RFC2: variants seen among roughly 807,000 people sequenced by gnomAD.
RFC2 encodes replication factor C subunit 2.
Under a neutral mutation model 44.8 loss-of-function variants are expected in RFC2, and 34 were observed. That is an observed-to-expected ratio of 0.76 (90% CI 0.58 to 1.01). The LOEUF (loss-of-function observed/expected upper bound fraction) is 1.01, where lower values mean the gene tolerates loss of function less well. Among genes scored for constraint, RFC2 ranks in the 50% least tolerant of loss-of-function variants. The pLI is 0.00. For synonymous variants in RFC2, 177 were observed against 168.9 expected (o/e 1.05, Z -0.37); for missense variants, 400 against 453.6 (o/e 0.88, Z 1.07).
Position 74,249,776 on chromosome 7 carries a change from A to G in RFC2, c.188T>C (p.Phe63Ser), listed in dbSNP as rs1256212416. The G allele has an allele frequency of 6.2e-7, 1 of 1,613,588 alleles. No individual in the cohort carries two copies. The highest frequency in any genetic ancestry group is 8.5e-7 in the Non-Finnish European group (1 of 1,179,564). ...NEDTVSRLEV[F>S]AREGNVPNII... ...GTTGGGCACATTTCCTTCCCTTGCA[A>G]AGACCTACGGCGAAAATGATCATTA... Residue 63 changes from phenylalanine (F) to serine (S), a missense_variant, in exon 3 of 11, where the codon TTT (phenylalanine) becomes TCT (serine). Coordinates refer to ENST00000055077, the MANE Select transcript of RFC2 (RefSeq NM_181471.3).
Position 74,249,733 on chromosome 7 carries a change from A to C in RFC2, c.225+6T>G. 6.2e-7 allele frequency: 1 copy of C among 1,612,482 alleles called. No homozygotes were observed. On this transcript the variant is annotated splice_donor_region_variant and intron_variant, in intron 3 of 10. Transcript: ENST00000055077. ...ACACTCAACAGGCCCAGGGCTGGGT[A>C]CTCACCGCAATGATGATGTTGGGCA... is the stretch of plus-strand genomic sequence containing the variant.
intron 1 of RFC2, among the ~76,000 whole-genome samples, chr7:74,253,299 C>T (rs1787078687): frequency 6.6e-6 from 1 of 151,902 alleles, no homozygotes; most frequent in African/African-American, 2.4e-5. Flanking sequence ...TGGGTCACTA[C>T]CAACCTCAGG....
intron 5 of RFC2, among the ~76,000 whole-genome samples, chr7:74,245,708 G>A (rs1178498817): frequency 7.8e-4 from 99 of 127,626 alleles, no homozygotes; most frequent in African/African-American, 3.0e-3. Flanking sequence ...GCAAGACTCC[G>A]TCTCACAAAA....
intron 4 of RFC2, among the ~76,000 whole-genome samples, chr7:74,247,278 T>C (rs1403113285): frequency 6.6e-6 from 1 of 152,178 alleles, no homozygotes; most frequent in African/African-American, 2.4e-5. Flanking sequence ...TTTTTCATTC[T>C]CTACCCACAA....
At chr7:74,239,059 C>T (rs537391956) in intron 7 of RFC2, 71 bp from the exon 8 acceptor site, 40 of 1,249,186 alleles carry the variant, frequency 3.2e-5, no homozygotes, top group African/African-American at 8.9e-5. Flanking sequence ...ACAGGAGTCT[C>T]GCTATGTTGC....
chr7:74,233,640 G>A (rs570340661), intron 10 of RFC2: 25 of 160,756 alleles, frequency 1.6e-4, no homozygotes, highest in African/African-American at 3.2e-4. Context: ...CACTCTTGTC[G>A]CCCAAGCTGT....
At chr7:74,248,889 G>A in intron 4 of RFC2, 123 bp downstream of exon 4, 1 of 697,022 alleles carries the variant, frequency 1.4e-6, no homozygotes, top group Non-Finnish European at 2.6e-6. Context: ...CACTGGGAAG[G>A]GGTGGAGGAA....
Position 74,254,386 on chromosome 7 carries a change from T to C in RFC2, c.-3A>G, listed in dbSNP as rs782647982. ...CCACAGACGGCCTCCACCTCCATTC[T>C]CGCGCCTCCTCTTCCCGCCACCCGA... is the stretch of plus-strand genomic sequence containing the variant. On this transcript the variant is annotated 5_prime_UTR_variant, in exon 1 of 11. Transcript: ENST00000055077. 8.0e-5 allele frequency: 126 copies of C among 1,583,588 alleles called. No homozygotes were observed. The highest frequency in any genetic ancestry group is 1.4e-4 in the African/African-American group (10 of 73,580).
intron 1 of RFC2, chr7:74,253,733 T>TA (rs1176510495): frequency 6.5e-6 from 1 of 153,544 alleles, no homozygotes; most frequent in African/African-American, 2.4e-5. Context: ...AAAAAAAAAT[T>TA]AACTGGGCAT....
Position 74,249,739 on chromosome 7 carries a change from C to A in RFC2, c.225G>T (p.Ala75=). ...REGNVPNIII[A]GPPGTGKTTS... ...AACAGGCCCAGGGCTGGGTACTCAC[C>A]GCAATGATGATGTTGGGCACATTTC... is the stretch of plus-strand genomic sequence containing the variant. Residue 75 remains alanine, a splice_region_variant and synonymous_variant, in exon 3 of 11, where the codon GCG becomes GCT. Coordinates refer to ENST00000055077, the MANE Select transcript of RFC2 (RefSeq NM_181471.3). 1.2e-6 allele frequency: 2 copies of A among 1,612,990 alleles called. No homozygotes were observed. The highest frequency in any genetic ancestry group is 1.3e-5 in the African/African-American group (1 of 74,946).
intron 10 of RFC2, among the ~76,000 whole-genome samples, chr7:74,232,873 A>T (rs1393487804): frequency 6.6e-6 from 1 of 151,940 alleles, no homozygotes; most frequent in Non-Finnish European, 1.5e-5. Context: ...TCAAAAATAA[A>T]TAAGTAAATA....
At chr7:74,249,705 G>A (rs782056522) in intron 3 of RFC2, 34 bp downstream of exon 3, 3 of 1,585,308 alleles carry the variant, frequency 1.9e-6, no homozygotes, top group Non-Finnish European at 2.6e-6. Flanking sequence ...ATGAGACATG[G>A]AGACACTCAA....
rs782078961 is a variant in RFC2 at position 74,237,422 on chromosome 7, T to C, written c.780A>G (p.Pro260=). The change falls in exon 9 of 11, where the codon CCA becomes CCG. Residue 260 remains proline (P), a synonymous_variant. Coordinates refer to ENST00000055077, the MANE Select transcript of RFC2 (RefSeq NM_181471.3). ...NVFKVCDEPH[P]LLVKEMIQHC... ...GCTGGATCATCTCCTTTACCAGCAG[T>C]GGGTGGGGCTCGTCACAGACCTGGC... 14 of 1,596,186 alleles carry C rather than the reference T, an allele frequency of 8.8e-6. No individual in the cohort carries two copies. Among genetic ancestry groups the C allele is most frequent in the East Asian group, 2.2e-5 (1 of 44,530 alleles).
chr7:74,246,589 T>C, intron 5 of RFC2, 73 bp downstream of exon 5: 2 of 1,031,532 alleles, frequency 1.9e-6, no homozygotes, highest in Non-Finnish European at 2.9e-6. Flanking sequence ...AAAGTGCTTT[T>C]TATCCTGATT....
In RFC2 at chr7:74,238,068, G is replaced by A. The variant is rs977872993; in HGVS notation, c.760-626C>T. Among the ~76,000 whole-genome samples, 3 of 152,092 alleles carry A rather than the reference G, an allele frequency of 2.0e-5. No individual in the cohort carries two copies. The highest frequency in any genetic ancestry group is 1.5e-5 in the Non-Finnish European group (1 of 68,028). On this transcript the variant is annotated intron_variant, in intron 8 of 10. Coordinates refer to ENST00000055077, the MANE Select transcript of RFC2 (RefSeq NM_181471.3). The surrounding 1 kb of genome is among the most constrained non-coding windows in gnomAD (Gnocchi z 4.0). The stretch of plus-strand genomic sequence containing the variant: ...ACACCTGCCCTTGCCTTTTCCCGGT[G>A]GAAGCCATGGTTTCCTGAGCCCTCA...
chr7:74,254,221 G>T, intron 1 of RFC2, 50 bp downstream of exon 1: 1 of 1,388,670 alleles, frequency 7.2e-7, no homozygotes, highest in Non-Finnish European at 1.0e-6. Flanking sequence ...CCCGCCACTC[G>T]CCCACCCTCA....
chr7:74,242,767 A>G (rs1208588996), intron 6 of RFC2, among the ~76,000 whole-genome samples: 3 of 151,014 alleles, frequency 2.0e-5, no homozygotes, highest in East Asian at 3.9e-4. Context: ...AAAAAAAAAA[A>G]AAAAAATTAG....
Position 74,232,231 on chromosome 7 carries a change from A to C in RFC2, c.955-15T>G, listed in dbSNP as rs782482287. On this transcript the variant is annotated splice_polypyrimidine_tract_variant and intron_variant, in intron 10 of 10. Transcript: ENST00000055077. ...TATCCAATTTCCTGAAAAACAAACCAAATTCAAATCTGGTTAATAAGTGGG... is the reference window on the plus strand; with the variant it reads ...TATCCAATTTCCTGAAAAACAAACCCAATTCAAATCTGGTTAATAAGTGGG... 44 of 1,443,400 alleles carry C rather than the reference A, an allele frequency of 3.0e-5. No individual in the cohort carries two copies. The highest frequency in any genetic ancestry group is 4.3e-5 in the Non-Finnish European group (44 of 1,025,644). The allele number at this position is 1,443,400 out of a possible 1,614,324, so 89.4% of individuals were successfully genotyped here.
intron 8 of RFC2, among the ~76,000 whole-genome samples, 181 bp from the exon 9 acceptor site, chr7:74,237,623 C>T (rs1005092472): frequency 3.3e-5 from 5 of 152,198 alleles, no homozygotes; most frequent in Admixed American, 2.6e-4. Context: ...AAGAGAAGTG[C>T]TTCCGGCACC....
Sources: gnomAD v4.1 joint callset for allele counts (sites outside exome capture counted in the v4.1 genomes callset) on GRCh38, gnomAD v4.1.1 for gene constraint, Gnocchi (gnomAD v3.1) non-coding constraint, MANE v1.5 for transcripts, NCBI Gene and HGNC (gene_info 2026-07-23, HGNC 2026-07-21) for gene names.